ANKRD36C: variants seen among roughly 807,000 people sequenced by gnomAD.
ANKRD36C encodes ankyrin repeat domain 36C.
A neutral mutation model predicts 276.4 loss-of-function variants in ANKRD36C; 61 were observed. The observed-to-expected ratio is 0.22, with a 90% CI of 0.18 to 0.27. ANKRD36C has a LOEUF of 0.27. Ranked by LOEUF, ANKRD36C falls within the 10% of genes least tolerant of loss-of-function variation. ANKRD36C has a pLI of 1.00. For synonymous variants in ANKRD36C, 483 were observed against 680.1 expected (o/e 0.71, Z 4.51); for missense variants, 1,447 against 2,032.3 (o/e 0.71, Z 5.54).
chr2:95,880,468 T>C (rs1676051622), exon 58 of ANKRD36C: 5 of 1,554,816 alleles, frequency 3.2e-6, no homozygotes, highest in Non-Finnish European at 4.4e-6. Context: ...GGTGGCTGTA[T>C]TCAGAACAGA....
At chr2:95,960,809 C>A (rs1217645369) in intron 8 of ANKRD36C, 142 bp from the exon 9 acceptor site, 8 of 544,764 alleles carry the variant, frequency 1.5e-5, no homozygotes, top group African/African-American at 1.9e-5. Context: ...TGTATTGGGA[C>A]AGGAACATGA....
chr2:95,893,199 C>T (rs984424808), intron 44 of ANKRD36C, among the ~76,000 whole-genome samples: 10 of 151,338 alleles, frequency 6.6e-5, no homozygotes, highest in South Asian at 2.1e-4. Flanking sequence ...TCTGTAAAAT[C>T]GATACTTCCT....
chr2:95,966,680 G>T (rs1274149360), intron 6 of ANKRD36C, among the ~76,000 whole-genome samples: 1 of 152,092 alleles, frequency 6.6e-6, no homozygotes, highest in Non-Finnish European at 1.5e-5. Flanking sequence ...ATTTAAAGTA[G>T]TTTTTTCTAA....
chr2:95,958,484 G>C, intron 12 of ANKRD36C, 107 bp downstream of exon 12: 3 of 1,406,132 alleles, frequency 2.1e-6, no homozygotes, highest in Non-Finnish European at 2.9e-6. Context: ...CAGGCCCGCT[G>C]AATCAGAATG....
intron 30 of ANKRD36C, among the ~76,000 whole-genome samples, 157 bp from the exon 31 acceptor site, chr2:95,923,846 G>GA (rs1311345103): frequency 4.6e-5 from 7 of 151,228 alleles, no homozygotes; most frequent in Non-Finnish European, 7.4e-5. Flanking sequence ...GAAATACACT[G>GA]AAAAAAAAGA....
At chr2:95,903,261 A>G (rs1460763090) in intron 42 of ANKRD36C, among the ~76,000 whole-genome samples, 180 bp from the exon 53 acceptor site, 1 of 150,620 alleles carries the variant, frequency 6.6e-6, no homozygotes, top group African/African-American at 2.4e-5. Flanking sequence ...AAGGGAATAC[A>G]GGCTCCACGA....
chr2:95,902,949 C>T lies in ANKRD36C; in HGVS notation c.2654-3613G>A, dbSNP rs540582720. 662 of 1,589,586 alleles carry T rather than the reference C, an allele frequency of 4.2e-4. 20 individuals carry two copies. Among genetic ancestry groups the T allele is most frequent in the Non-Finnish European group, 5.4e-4 (633 of 1,166,192 alleles). On this transcript the variant is annotated intron_variant, in intron 42 of 66. Transcript: ENST00000456556. ...ATATTCAAAAGAGAATCTTTCTCGT[C>T]TCTTGTAGCCTGAATGGAATTTGAA... is the stretch of plus-strand genomic sequence containing the variant.
At chr2:95,939,845 T>A (rs1677825035) in intron 20 of ANKRD36C, among the ~76,000 whole-genome samples, 1 of 152,290 alleles carries the variant, frequency 6.6e-6, no homozygotes, top group South Asian at 2.1e-4. Context: ...AGGCTTCTGA[T>A]ATTTTCAGCT....
exon 7 of ANKRD36C, chr2:95,962,546 C>T: frequency 6.2e-7 from 1 of 1,600,296 alleles, no homozygotes; most frequent in Non-Finnish European, 8.5e-7. Context: ...TCTGAGAAGA[C>T]ACTGAAAAGC....
intron 6 of ANKRD36C, among the ~76,000 whole-genome samples, chr2:95,970,278 G>C (rs1036913748): frequency 6.6e-6 from 1 of 152,110 alleles, no homozygotes; most frequent in African/African-American, 2.4e-5. Flanking sequence ...AGTTTGCTTA[G>C]TTCTAGCTAT....
chr2:95,936,130 T>C (rs1343163439), intron 22 of ANKRD36C, among the ~76,000 whole-genome samples: 688 of 142,698 alleles, frequency 4.8e-3, no homozygotes, highest in African/African-American at 0.021. Flanking sequence ...CTGCCATCTC[T>C]TCATTCACTT....
intron 6 of ANKRD36C, among the ~76,000 whole-genome samples, chr2:95,970,764 T>G (rs1284247803): frequency 6.6e-6 from 1 of 152,210 alleles, no homozygotes. Flanking sequence ...TAGCTGGTCT[T>G]ATTTCCAACT....
chr2:95,851,933 C>T, intron 65 of ANKRD36C, 146 bp from the exon 86 acceptor site: 1 of 1,110,032 alleles, frequency 9.0e-7, no homozygotes. Context: ...ATTTTTCTAC[C>T]TGTGTTTTGT....
At chr2:95,924,039 A>C (rs1433934925) in intron 30 of ANKRD36C, among the ~76,000 whole-genome samples, 3 of 151,716 alleles carry the variant, frequency 2.0e-5, no homozygotes, top group Non-Finnish European at 4.4e-5. Context: ...CAGGTGCTAC[A>C]TGATCCTCCA....
intron 58 of ANKRD36C, among the ~76,000 whole-genome samples, chr2:95,876,968 A>AACTTCAGCAAACC (rs1482164610): frequency 8.7e-5 from 13 of 150,156 alleles, no homozygotes; most frequent in Non-Finnish European, 3.0e-5. Context: ...AATCCTCCAA[A>AACTTCAGCAAACC]ACTTCAGCAA....
rs1200729358 is a variant in ANKRD36C at position 95,919,638 on chromosome 2, G to C, written c.2246-1596C>G. ...CTGAATCAGAATGTGCAGCTTCGGC[G>C]ACTCCCCCCACCCACCCTCCGCTGA... is the stretch of plus-strand genomic sequence containing the variant. On this transcript the variant is annotated intron_variant, in intron 34 of 66. Transcript: ENST00000456556. 2 of 623,560 alleles carry C rather than the reference G, an allele frequency of 3.2e-6. 1 individual carries two copies. The highest frequency in any genetic ancestry group is 3.9e-6 in the Non-Finnish European group (2 of 506,930). The allele number at this position is 623,560 out of a possible 1,614,324, so 38.6% of individuals were successfully genotyped here.
chr2:95,890,828 G>C (rs1408499079), intron 46 of ANKRD36C, among the ~76,000 whole-genome samples: 1 of 151,408 alleles, frequency 6.6e-6, no homozygotes, highest in Non-Finnish European at 1.5e-5. Flanking sequence ...CATCATTTTT[G>C]TTTCTAAAAT....
At position 95,972,891 on chromosome 2, in the gene ANKRD36C, G is replaced by C. The variant is rs543317250; in HGVS notation, c.799+5231C>G. ...ATATCCCATAGTATGAAAGCTTCTA[G>C]AAGAGAAACAAAAAGATCACAGCCA... On this transcript the variant is annotated intron_variant, in intron 6 of 66. Transcript: ENST00000456556. Among the ~76,000 whole-genome samples, 135 of 152,210 alleles carry C rather than the reference G, an allele frequency of 8.9e-4. 1 individual carries two copies. The highest frequency in any genetic ancestry group is 3.2e-3 in the African/African-American group (134 of 41,516).
At chr2:95,927,963 T>C (rs1294211982) in intron 26 of ANKRD36C, among the ~76,000 whole-genome samples, 2 of 151,702 alleles carry the variant, frequency 1.3e-5, no homozygotes, top group Non-Finnish European at 3.0e-5. Flanking sequence ...GTAGATAATA[T>C]TATTTCTCAC....
Sources: gnomAD v4.1 joint callset for allele counts (sites outside exome capture counted in the v4.1 genomes callset) on GRCh38, gnomAD v4.1.1 for gene constraint, MANE v1.5 for transcripts, NCBI Gene and HGNC (gene_info 2026-07-23, HGNC 2026-07-21) for gene names.